The following FHIP1A variants were observed in gnomAD, a reference collection of about 807,000 sequenced individuals.
The protein encoded by FHIP1A is FHF complex subunit HOOK-interacting protein 1A.
A neutral mutation model predicts 88.6 loss-of-function variants in FHIP1A; 61 were observed. The ratio of observed to expected loss-of-function variants is 0.69; its 90% CI spans 0.56 to 0.85. The LOEUF is 0.85. Ranked by LOEUF, FHIP1A falls within the 40% of genes least tolerant of loss-of-function variation. The pLI, the probability that FHIP1A is intolerant of heterozygous loss-of-function variation, is 0.00. For missense variants in FHIP1A, 1,154 were observed against 1,273.5 expected (o/e 0.91, Z 1.43); for synonymous variants, 478 against 496.0 (o/e 0.96, Z 0.48).
At chr4:151,637,518 A>T (rs117514499) in intron 8 of FHIP1A, among the ~76,000 whole-genome samples, 1 of 152,162 alleles carries the variant, frequency 6.6e-6, no homozygotes, top group Non-Finnish European at 1.5e-5. Flanking sequence ...AGGGGTTACT[A>T]TGCAATCTGA....
At chr4:151,421,575 G>C (rs1288668054) in intron 1 of FHIP1A, among the ~76,000 whole-genome samples, 1 of 152,036 alleles carries the variant, frequency 6.6e-6, no homozygotes, top group Non-Finnish European at 1.5e-5. Context: ...GGTAGTCTTG[G>C]CTATATATCC....
Position 151,629,822 on chromosome 4 carries a change from G to A in FHIP1A, c.1099G>A (p.Val367Ile). 1 of 1,551,440 alleles carries A rather than the reference G, an allele frequency of 6.4e-7. No individual in the cohort carries two copies. The highest frequency in any genetic ancestry group is 8.7e-7 in the Non-Finnish European group (1 of 1,146,820). ...RFILLHQHENVHILDTLTSRI... is the reference protein window; with the variant it reads ...RFILLHQHENIHILDTLTSRI... The stretch of plus-strand genomic sequence containing the variant: ...TATCCTATTGCACCAGCACGAGAAT[G>A]TCCACATCCTAGACACTCTCACGAG... Residue 367 changes from valine to isoleucine, a missense_variant, in exon 8 of 14, where the codon GTC becomes ATC. Coordinates refer to ENST00000435205, the MANE Select transcript of FHIP1A (RefSeq NM_001109977.3).
At chr4:151,409,899 G>A (rs1732541904) in intron 1 of FHIP1A, among the ~76,000 whole-genome samples, 1 of 152,176 alleles carries the variant, frequency 6.6e-6, no homozygotes, top group Non-Finnish European at 1.5e-5. Context: ...CAGAGGCGGT[G>A]CCCCTCTGAG....
intron 10 of FHIP1A, among the ~76,000 whole-genome samples, chr4:151,648,087 G>C (rs988799443): frequency 2.8e-4 from 42 of 152,328 alleles, no homozygotes; most frequent in African/African-American, 9.9e-4. Flanking sequence ...GACATAGCTA[G>C]CTAGCTAGCC....
chr4:151,636,439 A>C (rs1235163318), intron 8 of FHIP1A, among the ~76,000 whole-genome samples: 1 of 151,968 alleles, frequency 6.6e-6, no homozygotes, highest in African/African-American at 2.4e-5. Flanking sequence ...AAATGAAATA[A>C]ATGCATTTAT....
intron 1 of FHIP1A, among the ~76,000 whole-genome samples, chr4:151,438,942 G>C (rs1025762570): frequency 6.6e-6 from 1 of 152,114 alleles, no homozygotes; most frequent in African/African-American, 2.4e-5. Context: ...TTAGGGTCTT[G>C]AAAGTGTCTT....
rs1263686356 is a variant in FHIP1A at position 151,663,749 on chromosome 4, T to C, written c.*995T>C. 6.6e-6 allele frequency: 1 copy of C among 152,204 alleles called. No individual in the cohort carries two copies. Among genetic ancestry groups the C allele is most frequent in the Non-Finnish European group, 1.5e-5 (1 of 68,040 alleles). The allele number at this position is 152,204 out of a possible 1,614,324, so 9.4% of individuals were successfully genotyped here. The stretch of plus-strand genomic sequence containing the variant: ...TATTTAAAATTCTATTCCCTTTTGC[T>C]AGTAAGCTGCACTTTGTAGAGAAAC... On this transcript the variant is annotated 3_prime_UTR_variant, in exon 14 of 14. Transcript: ENST00000435205.
At position 151,442,017 on chromosome 4, in the gene FHIP1A, C is replaced by T. The variant is rs559373919; in HGVS notation, c.-355-12684C>T. On this transcript the variant is annotated intron_variant, in intron 1 of 13. Transcript: ENST00000435205. ...TAATTGTTCCATAATCTCAAGTTTT[C>T]ATTGAATGTTTCATTGAATTCACTA... 2.8e-4 allele frequency among the ~76,000 whole-genome samples: 42 copies of T among 152,242 alleles called. No individual in the cohort carries two copies. In the South Asian group the frequency reaches 8.3e-3, roughly 30 times the overall value.
intron 8 of FHIP1A, among the ~76,000 whole-genome samples, chr4:151,637,929 G>A (rs1349007333): frequency 6.6e-6 from 1 of 152,098 alleles, no homozygotes; most frequent in Non-Finnish European, 1.5e-5. Flanking sequence ...TTATTCTCCT[G>A]TACAAAGAAT....
rs62327201 is a variant in FHIP1A at position 151,409,317 on chromosome 4, C to T, written c.-504C>T. The T allele has an allele frequency of 2.7e-3, 408 of 149,206 alleles. No homozygotes were observed. Among genetic ancestry groups the T allele is most frequent in the Middle Eastern group, 0.01 (3 of 296 alleles). 9.2% of individuals were successfully genotyped at this position (149,206 alleles called of 1,614,324 possible). On this transcript the variant is annotated 5_prime_UTR_variant, in exon 1 of 14. Coordinates refer to ENST00000435205, the MANE Select transcript of FHIP1A (RefSeq NM_001109977.3). The stretch of plus-strand genomic sequence containing the variant: ...TGGGCCAAGACTTTCGAGCGGCGGC[C>T]GCCCGAGGTGCGAGGAGCCAGCCCG...
intron 5 of FHIP1A, among the ~76,000 whole-genome samples, chr4:151,585,897 T>C (rs1734191848): frequency 6.6e-6 from 1 of 152,156 alleles, no homozygotes; most frequent in South Asian, 2.1e-4. Flanking sequence ...TCACCTTCCA[T>C]GTGATGCTCA....
intron 7 of FHIP1A, among the ~76,000 whole-genome samples, chr4:151,592,840 G>T (rs1018690626): frequency 6.6e-5 from 10 of 152,160 alleles, no homozygotes; most frequent in African/African-American, 2.4e-4. Flanking sequence ...CTTTGCCCAT[G>T]CCTGTGTCCT....
At chr4:151,631,957 T>A (rs1736173227) in intron 8 of FHIP1A, among the ~76,000 whole-genome samples, 1 of 152,144 alleles carries the variant, frequency 6.6e-6, no homozygotes, top group African/African-American at 2.4e-5. Context: ...TCAGTAATTA[T>A]TTTAAATGTG....
chr4:151,494,805 T>C (rs1730402872), intron 3 of FHIP1A, among the ~76,000 whole-genome samples: 1 of 152,250 alleles, frequency 6.6e-6, no homozygotes, highest in African/African-American at 2.4e-5. Flanking sequence ...TCCATGAGCA[T>C]GGAATGTTTT....
chr4:151,547,801 C>T (rs926165954), intron 3 of FHIP1A, among the ~76,000 whole-genome samples: 4 of 152,074 alleles, frequency 2.6e-5, no homozygotes, highest in Non-Finnish European at 5.9e-5. Context: ...GTAATCCCAG[C>T]TACTCGGGAA....
At chr4:151,516,984 C>T (rs1300090071) in intron 3 of FHIP1A, among the ~76,000 whole-genome samples, 3 of 152,024 alleles carry the variant, frequency 2.0e-5, no homozygotes, top group Non-Finnish European at 4.4e-5. Flanking sequence ...ATCATGCTGC[C>T]ATAAAGACAC....
At chr4:151,500,438 C>CAAAAAAAAAAA in intron 3 of FHIP1A, among the ~76,000 whole-genome samples, 1 of 106,714 alleles carries the variant, frequency 9.4e-6, no homozygotes, top group Non-Finnish European at 1.9e-5. Flanking sequence ...CAGCCATTCT[C>CAAAAAAAAAAA]AAAAAAAAAA....
intron 4 of FHIP1A, among the ~76,000 whole-genome samples, chr4:151,568,499 T>C (rs977428785): frequency 3.9e-5 from 6 of 152,190 alleles, no homozygotes; most frequent in Non-Finnish European, 5.9e-5. Flanking sequence ...TCTTTATGAA[T>C]GAAAATGCTG....
intron 3 of FHIP1A, among the ~76,000 whole-genome samples, chr4:151,512,472 GAGA>G (rs1476550588): frequency 2.6e-5 from 4 of 152,238 alleles, no homozygotes; most frequent in Non-Finnish European, 5.9e-5. Context: ...GACGAGTTGA[GAGA>G]AGAAGGCTTC....
Sources: gnomAD v4.1 joint callset for allele counts (sites outside exome capture counted in the v4.1 genomes callset) on GRCh38, gnomAD v4.1.1 for gene constraint, MANE v1.5 for transcripts, NCBI Gene and HGNC (gene_info 2026-07-23, HGNC 2026-07-21) for gene names.